The following CNTN6 variants were observed in gnomAD, a reference collection of about 807,000 sequenced individuals.
CNTN6 encodes the protein contactin 6, also known as contactin-6.
CNTN6 carries 137 observed loss-of-function variants against 122.8 expected under a neutral mutation model. The observed-to-expected ratio is 1.12, with a 90% CI of 0.97 to 1.29. The LOEUF (loss-of-function observed/expected upper bound fraction) is 1.29. Among genes scored for constraint, CNTN6 ranks in the 50% most tolerant of loss-of-function variants. The pLI is 0.00. For missense variants in CNTN6, 1,634 were observed against 1,223.4 expected (o/e 1.34, Z -5.01); for synonymous variants, 570 against 426.0 (o/e 1.34, Z -4.16).
chr3:1,390,268 G>A (rs552740738), intron 20 of CNTN6, among the ~76,000 whole-genome samples: 30 of 151,990 alleles, frequency 2.0e-4, no homozygotes, highest in Middle Eastern at 6.8e-3. Flanking sequence ...ACTCAAAACC[G>A]CTCAACTACA....
chr3:1,224,296 G>A lies in CNTN6; in HGVS notation c.182+3483G>A, dbSNP rs150656831. Among the ~76,000 whole-genome samples, 25 of 152,130 alleles carry A rather than the reference G, an allele frequency of 1.6e-4. No individual in the cohort carries two copies. In the East Asian group the frequency reaches 4.3e-3, roughly 26 times the overall value. ...GGCAGGAAGGGAAAGGGGACAGGTGGGTCAAAGGGTGAGAAGTGACCTTTA... is the reference window on the plus strand; with the variant it reads ...GGCAGGAAGGGAAAGGGGACAGGTGAGTCAAAGGGTGAGAAGTGACCTTTA... On this transcript the variant is annotated intron_variant, in intron 3 of 22. Coordinates refer to ENST00000446702, the MANE Select transcript of CNTN6 (RefSeq NM_001289080.2).
In CNTN6 at chr3:1,352,324, A is replaced by G; in HGVS notation, c.1365A>G (p.Arg455=). 6.6e-7 allele frequency: 1 copy of G among 1,515,168 alleles called. No homozygotes were observed. Among genetic ancestry groups the G allele is most frequent in the Non-Finnish European group, 8.9e-7 (1 of 1,124,216 alleles). The allele number at this position is 1,515,168 out of a possible 1,614,324, so 93.9% of individuals were successfully genotyped here. A position where few individuals can be genotyped will look rare whatever the true frequency, so the allele number is the denominator to read the frequency against. ...RGTETLRQSK[R]IFLLEDGSLK... ...TATTAATGATGTATTTTCTTTTTAG[A>G]ATATTTCTCTTGGAGGATGGCAGCC... is the stretch of plus-strand genomic sequence containing the variant. Residue 455 remains arginine (R), a splice_region_variant and synonymous_variant, in exon 12 of 23, where the codon AGA becomes AGG. Transcript: ENST00000446702.
chr3:1,307,773 G>A (rs578755), intron 7 of CNTN6, among the ~76,000 whole-genome samples: 41,762 of 151,964 alleles, frequency 0.27, 8,807 homozygotes, highest in African/African-American at 0.6. Context: ...CTGTTAGAAT[G>A]TGTCTGTATT....
chr3:1,102,853 A>G (rs34055113), intron 1 of CNTN6, among the ~76,000 whole-genome samples: 2 of 150,886 alleles, frequency 1.3e-5, no homozygotes, highest in African/African-American at 2.4e-5. Context: ...CACGCCTGTA[A>G]TCCCAGCACT....
At chr3:1,262,594 A>G (rs2094863980) in intron 4 of CNTN6, among the ~76,000 whole-genome samples, 1 of 152,050 alleles carries the variant, frequency 6.6e-6, no homozygotes, top group South Asian at 2.1e-4. Context: ...AACAATGAAC[A>G]CACAATAATC....
intron 2 of CNTN6, among the ~76,000 whole-genome samples, chr3:1,181,700 C>G (rs2093556872): frequency 6.6e-6 from 1 of 152,008 alleles, no homozygotes; most frequent in Non-Finnish European, 1.5e-5. Flanking sequence ...TAGGGTTTAT[C>G]CCTTGTGACT....
chr3:1,258,802 C>T (rs1336961716), intron 4 of CNTN6, among the ~76,000 whole-genome samples: 1 of 152,046 alleles, frequency 6.6e-6, no homozygotes, highest in East Asian at 1.9e-4. Context: ...CTTCCATTTT[C>T]TTTTCTCAGA....
intron 4 of CNTN6, among the ~76,000 whole-genome samples, chr3:1,247,736 T>C (rs926819566): frequency 1.6e-4 from 25 of 152,322 alleles, no homozygotes; most frequent in Middle Eastern, 3.4e-3. Flanking sequence ...CCGTGGATTA[T>C]AGTCCCCTCA....
At chr3:1,255,266 C>T (rs1471203922) in intron 4 of CNTN6, among the ~76,000 whole-genome samples, 1 of 151,930 alleles carries the variant, frequency 6.6e-6, no homozygotes. Flanking sequence ...AAAGTCATTG[C>T]AATAGGGTAC....
chr3:1,379,064 T>C (rs1158196973), intron 17 of CNTN6, among the ~76,000 whole-genome samples: 1 of 152,180 alleles, frequency 6.6e-6, no homozygotes, highest in East Asian at 1.9e-4. Flanking sequence ...TAATAACTTA[T>C]TTTGTTCTCC....
intron 2 of CNTN6, among the ~76,000 whole-genome samples, chr3:1,213,499 G>A (rs901268245): frequency 4.6e-5 from 7 of 151,504 alleles, no homozygotes; most frequent in Non-Finnish European, 7.4e-5. Context: ...TTAATATAAC[G>A]CATTTTTATT....
chr3:1,177,150 A>C (rs2093466243), intron 2 of CNTN6, among the ~76,000 whole-genome samples: 1 of 152,228 alleles, frequency 6.6e-6, no homozygotes, highest in Non-Finnish European at 1.5e-5. Context: ...ACGTGATAAA[A>C]GTAAAAAATG....
chr3:1,301,760 A>G (rs571974176), intron 7 of CNTN6, among the ~76,000 whole-genome samples: 2 of 152,344 alleles, frequency 1.3e-5, no homozygotes, highest in Admixed American at 1.3e-4. Context: ...CTGTATAACA[A>G]TCTTACATTT....
intron 1 of CNTN6, among the ~76,000 whole-genome samples, chr3:1,115,575 C>T (rs2091683873): frequency 1.3e-5 from 2 of 152,012 alleles, no homozygotes; most frequent in Admixed American, 6.6e-5. Context: ...TGGTGAAATC[C>T]CGTGTCTACT....
At chr3:1,284,226 T>C (rs1226736782) in intron 5 of CNTN6, among the ~76,000 whole-genome samples, 10 of 152,194 alleles carry the variant, frequency 6.6e-5, no homozygotes, top group Non-Finnish European at 1.2e-4. Flanking sequence ...AGTAAAGATG[T>C]TGACAATTCC....
intron 20 of CNTN6, among the ~76,000 whole-genome samples, chr3:1,398,373 A>G (rs1407582549): frequency 6.6e-6 from 1 of 152,144 alleles, no homozygotes; most frequent in African/African-American, 2.4e-5. Context: ...GATGTAGACT[A>G]AGAGATATTC....
chr3:1,379,369 C>T (rs528979988), intron 17 of CNTN6, among the ~76,000 whole-genome samples: 1 of 152,172 alleles, frequency 6.6e-6, no homozygotes, highest in East Asian at 1.9e-4. Context: ...TCCCACAATG[C>T]TTAAAATATT....
At chr3:1,250,683 GCTTGTGAAATT>G (rs1361945264) in intron 4 of CNTN6, among the ~76,000 whole-genome samples, 2 of 152,094 alleles carry the variant, frequency 1.3e-5, no homozygotes, top group Non-Finnish European at 2.9e-5. Flanking sequence ...ATCCTCCGCA[GCTTGTGAAATT>G]CTTCCTTGGG....
At chr3:1,290,056 T>C (rs1317267577) in intron 5 of CNTN6, among the ~76,000 whole-genome samples, 3 of 152,190 alleles carry the variant, frequency 2.0e-5, no homozygotes, top group Admixed American at 6.5e-5. Context: ...TTGTTAGCAA[T>C]GCAGATTTCC....
Sources: gnomAD v4.1 joint callset for allele counts (sites outside exome capture counted in the v4.1 genomes callset) on GRCh38, gnomAD v4.1.1 for gene constraint, MANE v1.5 for transcripts, NCBI Gene and HGNC (gene_info 2026-07-23, HGNC 2026-07-21) for gene names.